Variants in DCC observed in about 807,000 individuals in gnomAD.
DCC encodes DCC netrin 1 receptor, also known as netrin receptor DCC.
Under a neutral mutation model 172.5 loss-of-function variants are expected in DCC, and 58 were observed. The ratio of observed to expected loss-of-function variants is 0.34; its 90% CI spans 0.27 to 0.42. The LOEUF (loss-of-function observed/expected upper bound fraction) is 0.42, where lower values mean the gene tolerates loss of function less well. DCC is among the 10% of genes least tolerant of loss of function. The pLI is 1.00. For synonymous variants in DCC, 709 were observed against 644.5 expected (o/e 1.10, Z -1.52); for missense variants, 1,740 against 1,791.0 (o/e 0.97, Z 0.51).
At chr18:52,920,735 A>G (rs929783498) in intron 3 of DCC, among the ~76,000 whole-genome samples, 3 of 152,192 alleles carry the variant, frequency 2.0e-5, no homozygotes, top group Non-Finnish European at 4.4e-5. Flanking sequence ...TTGAATGTTT[A>G]TAGCAGATTT....
chr18:53,158,033 C>G (rs187692569), intron 8 of DCC, among the ~76,000 whole-genome samples: 204 of 152,178 alleles, frequency 1.3e-3, no homozygotes, highest in African/African-American at 4.8e-3. Flanking sequence ...CCCCATTTAC[C>G]CTGATGTGAT....
chr18:52,870,842 G>A (rs918463568), intron 2 of DCC, among the ~76,000 whole-genome samples: 1 of 152,064 alleles, frequency 6.6e-6, no homozygotes, highest in Non-Finnish European at 1.5e-5. Flanking sequence ...CAGGGAGATT[G>A]ATTTGAGTAA....
chr18:52,569,804 G>A (rs2033250615), intron 1 of DCC, among the ~76,000 whole-genome samples: 2 of 152,164 alleles, frequency 1.3e-5, no homozygotes, highest in African/African-American at 2.4e-5. Flanking sequence ...AGAAAGAAAT[G>A]TGGGCTATGA....
intron 2 of DCC, chr18:52,816,565 A>C (rs540701200): frequency 1.3e-5 from 2 of 152,216 alleles, no homozygotes; most frequent in Admixed American, 1.3e-4. Context: ...TTTTTCCTCT[A>C]TAGAATCTGG....
intron 5 of DCC, among the ~76,000 whole-genome samples, chr18:52,962,980 A>G (rs2040867734): frequency 6.6e-6 from 1 of 151,060 alleles, no homozygotes; most frequent in South Asian, 2.1e-4. Flanking sequence ...GGGGAAGGAT[A>G]GCATTTGGAG....
intron 2 of DCC, among the ~76,000 whole-genome samples, chr18:52,893,649 C>G (rs2039685492): frequency 6.6e-6 from 1 of 151,978 alleles, no homozygotes; most frequent in Non-Finnish European, 1.5e-5. Context: ...TTCTGAAATC[C>G]AGAAGATTGA....
chr18:53,222,382 T>TC (rs1342146590), intron 12 of DCC, among the ~76,000 whole-genome samples: 1 of 93,776 alleles, frequency 1.1e-5, no homozygotes, highest in Non-Finnish European at 1.9e-5. Context: ...TTTTCTTTTT[T>TC]CTTTTTTTTT....
At chr18:52,374,361 T>C (rs1049797020) in intron 1 of DCC, among the ~76,000 whole-genome samples, 2 of 152,166 alleles carry the variant, frequency 1.3e-5, no homozygotes, top group African/African-American at 2.4e-5. Flanking sequence ...TTGGACACTT[T>C]TATCTGAATT....
chr18:53,457,349 AG>A (rs1447788720), intron 23 of DCC, among the ~76,000 whole-genome samples: 18 of 152,234 alleles, frequency 1.2e-4, no homozygotes, highest in African/African-American at 4.3e-4. Flanking sequence ...CTTGTAAGCA[AG>A]GGGAAACCAG....
intron 14 of DCC, among the ~76,000 whole-genome samples, chr18:53,331,835 A>G (rs772349796): frequency 8.5e-5 from 13 of 152,214 alleles, no homozygotes; most frequent in Admixed American, 2.0e-4. Context: ...GAGAAAATCA[A>G]GGAAGGGAAG....
intron 12 of DCC, among the ~76,000 whole-genome samples, chr18:53,256,853 G>T (rs997335150): frequency 1.3e-5 from 2 of 152,174 alleles, no homozygotes; most frequent in African/African-American, 4.8e-5. Context: ...AGCATGGAAT[G>T]TTCTTCCATT....
At chr18:53,057,125 G>A (rs1189229886) in intron 5 of DCC, among the ~76,000 whole-genome samples, 1 of 149,598 alleles carries the variant, frequency 6.7e-6, no homozygotes, top group African/African-American at 2.5e-5. Context: ...CCTATATGGG[G>A]TGTTGCTGAA....
intron 5 of DCC, among the ~76,000 whole-genome samples, chr18:53,039,593 G>A (rs889440075): frequency 3.3e-5 from 5 of 151,970 alleles, no homozygotes; most frequent in African/African-American, 7.2e-5. Context: ...GCAGAGGTTG[G>A]AAAGAGGCTT....
chr18:53,055,064 C>A (rs554457331), intron 5 of DCC, among the ~76,000 whole-genome samples: 1 of 152,124 alleles, frequency 6.6e-6, no homozygotes, highest in East Asian at 1.9e-4. Flanking sequence ...TGACTGATTG[C>A]CAAGGGATTT....
chr18:52,575,522 C>G lies in DCC; in HGVS notation c.92-176532C>G, dbSNP rs975808427. Among the ~76,000 whole-genome samples the G allele has an allele frequency of 3.3e-5, 5 of 152,124 alleles. No homozygotes were observed. The South Asian group carries it at 1.0e-3, about 32-fold the overall frequency. On this transcript the variant is annotated intron_variant, in intron 1 of 28. Coordinates refer to ENST00000442544, the MANE Select transcript of DCC (RefSeq NM_005215.4). ...TTGGACAGAAATTTTCTTATTCTTT[C>G]TTAAGATCAGTTATAGGTCTGGAAG...
At chr18:52,344,914 C>G (rs764447279) in intron 1 of DCC, among the ~76,000 whole-genome samples, 20 of 152,184 alleles carry the variant, frequency 1.3e-4, no homozygotes, top group Non-Finnish European at 2.6e-4. Context: ...CCCCCTCATA[C>G]CTTCTCCTTC....
chr18:52,490,542 G>T (rs1373284393), intron 1 of DCC, among the ~76,000 whole-genome samples: 2 of 152,070 alleles, frequency 1.3e-5, no homozygotes, highest in African/African-American at 2.4e-5. Context: ...GCAGAGCTGG[G>T]ACTAGAAACC....
At chr18:52,521,551 A>T (rs760737944) in intron 1 of DCC, among the ~76,000 whole-genome samples, 2 of 151,952 alleles carry the variant, frequency 1.3e-5, no homozygotes, top group Non-Finnish European at 2.9e-5. Context: ...TCACTTTGGG[A>T]GTTAGAGGTT....
At chr18:53,185,367 C>T (rs2144497661) in intron 9 of DCC, among the ~76,000 whole-genome samples, 1 of 152,234 alleles carries the variant, frequency 6.6e-6, no homozygotes, top group South Asian at 2.1e-4. Context: ...GTTCTTTCTT[C>T]ATTCATTTAA....
Sources: gnomAD v4.1 joint callset for allele counts (sites outside exome capture counted in the v4.1 genomes callset) on GRCh38, gnomAD v4.1.1 for gene constraint, MANE v1.5 for transcripts, NCBI Gene and HGNC (gene_info 2026-07-23, HGNC 2026-07-21) for gene names.